DCC: variants seen among roughly 807,000 people sequenced by gnomAD.
DCC encodes the protein DCC netrin 1 receptor.
A neutral mutation model predicts 172.5 loss-of-function variants in DCC; 58 were observed. The ratio of observed to expected loss-of-function variants is 0.34; its 90% CI spans 0.27 to 0.42. The LOEUF is 0.42. Among genes scored for constraint, DCC ranks in the 10% least tolerant of loss-of-function variants. DCC has a pLI of 1.00. For missense variants in DCC, 1,740 were observed against 1,791.0 expected (o/e 0.97, Z 0.51); for synonymous variants, 709 against 644.5 (o/e 1.10, Z -1.52).
At chr18:52,453,069 G>A (rs1421838731) in intron 1 of DCC, among the ~76,000 whole-genome samples, 3 of 152,184 alleles carry the variant, frequency 2.0e-5, no homozygotes, top group Non-Finnish European at 4.4e-5. Context: ...ATAGGCACAG[G>A]CCACCCTCTC....
intron 21 of DCC, among the ~76,000 whole-genome samples, chr18:53,432,231 A>T (rs1344719818): frequency 6.6e-6 from 1 of 152,140 alleles, no homozygotes; most frequent in Non-Finnish European, 1.5e-5. Context: ...ATGTCAGAAA[A>T]TATTAAGAAC....
intron 2 of DCC, among the ~76,000 whole-genome samples, chr18:52,895,556 T>A (rs547982647): frequency 6.6e-6 from 1 of 152,174 alleles, no homozygotes; most frequent in Non-Finnish European, 1.5e-5. Flanking sequence ...TAGAAAAAAA[T>A]GAGCAATATA....
At chr18:53,474,567 G>A (rs1354756883) in intron 25 of DCC, among the ~76,000 whole-genome samples, 1 of 152,110 alleles carries the variant, frequency 6.6e-6, no homozygotes, top group Non-Finnish European at 1.5e-5. Flanking sequence ...TTTTAAAAAT[G>A]GGAGTCTCCC....
chr18:53,053,958 A>G (rs1181150489), intron 5 of DCC, among the ~76,000 whole-genome samples: 1 of 152,106 alleles, frequency 6.6e-6, no homozygotes, highest in Non-Finnish European at 1.5e-5. Flanking sequence ...ATTCTGTGTG[A>G]TCATATATTT....
chr18:52,434,890 A>G (rs1485075551), intron 1 of DCC, among the ~76,000 whole-genome samples: 1 of 152,144 alleles, frequency 6.6e-6, no homozygotes, highest in Non-Finnish European at 1.5e-5. Flanking sequence ...ACCACAGCAT[A>G]TATTCCTCAT....
At chr18:53,095,792 C>CTTTTTTTT (rs71175552) in intron 7 of DCC, among the ~76,000 whole-genome samples, 6 of 126,230 alleles carry the variant, frequency 4.8e-5, no homozygotes, top group South Asian at 2.7e-4. Flanking sequence ...ATATGGATAT[C>CTTTTTTTT]TTTTTTTTTT....
intron 10 of DCC, among the ~76,000 whole-genome samples, chr18:53,206,653 T>G (rs910168388): frequency 2.1e-5 from 3 of 145,436 alleles, no homozygotes; most frequent in Non-Finnish European, 4.5e-5. Flanking sequence ...ATATAATATA[T>G]GTATACATAT....
At chr18:52,609,584 G>T (rs910857852) in intron 1 of DCC, among the ~76,000 whole-genome samples, 1 of 151,964 alleles carries the variant, frequency 6.6e-6, no homozygotes, top group East Asian at 1.9e-4. Flanking sequence ...TTTTACTGAT[G>T]ATATATTCTA....
At chr18:52,440,726 A>G (rs558692283) in intron 1 of DCC, among the ~76,000 whole-genome samples, 1 of 152,346 alleles carries the variant, frequency 6.6e-6, no homozygotes, top group South Asian at 2.1e-4. Context: ...CTGAGCCTTA[A>G]GCACCATTGC....
intron 12 of DCC, among the ~76,000 whole-genome samples, chr18:53,256,045 C>A (rs891161528): frequency 1.3e-5 from 2 of 152,164 alleles, no homozygotes; most frequent in African/African-American, 4.8e-5. Flanking sequence ...CCTTCACCCA[C>A]TTTTTGATGG....
chr18:52,807,541 G>C (rs1391551040), intron 2 of DCC, among the ~76,000 whole-genome samples: 1 of 151,194 alleles, frequency 6.6e-6, no homozygotes, highest in Non-Finnish European at 1.5e-5. Context: ...TATTAGTTTA[G>C]TAATGAATAG....
chr18:53,229,735 A>C (rs2056093067), intron 12 of DCC, among the ~76,000 whole-genome samples: 1 of 152,078 alleles, frequency 6.6e-6, no homozygotes, highest in Non-Finnish European at 1.5e-5. Context: ...ATCTCTCTCA[A>C]TTCCCTCTGT....
intron 5 of DCC, among the ~76,000 whole-genome samples, chr18:52,991,389 C>T (rs1393408381): frequency 6.6e-6 from 1 of 152,148 alleles, no homozygotes; most frequent in African/African-American, 2.4e-5. Context: ...GATATTACCA[C>T]ACACTTATTG....
chr18:53,431,471 TTTGTTGTTG>T (rs750287450), intron 21 of DCC, among the ~76,000 whole-genome samples: 1 of 129,634 alleles, frequency 7.7e-6, no homozygotes, highest in Admixed American at 7.4e-5. Context: ...CACTTTGTTT[TTTGTTGTTG>T]TTGTTGTTGT....
chr18:53,241,377 A>G (rs2056291190), intron 12 of DCC, among the ~76,000 whole-genome samples: 1 of 152,072 alleles, frequency 6.6e-6, no homozygotes, highest in Non-Finnish European at 1.5e-5. Flanking sequence ...GAACACACCC[A>G]TTCTCCCCAG....
intron 8 of DCC, among the ~76,000 whole-genome samples, chr18:53,163,842 T>A: frequency 6.6e-6 from 1 of 152,162 alleles, no homozygotes; most frequent in East Asian, 1.9e-4. Flanking sequence ...CAGAGACCAA[T>A]GATCAGAGGA....
chr18:53,158,283 A>C (rs2054779146), intron 8 of DCC, among the ~76,000 whole-genome samples: 1 of 152,260 alleles, frequency 6.6e-6, no homozygotes, highest in African/African-American at 2.4e-5. Context: ...ACTAAGCAAA[A>C]GTGAGCTGTA....
intron 1 of DCC, among the ~76,000 whole-genome samples, chr18:52,710,096 T>C (rs2036270989): frequency 6.6e-6 from 1 of 152,222 alleles, no homozygotes; most frequent in South Asian, 2.1e-4. Flanking sequence ...AGTGTTTCTC[T>C]AAGGACATCA....
chr18:53,141,584 G>A (rs761775537), intron 7 of DCC, among the ~76,000 whole-genome samples: 6 of 152,146 alleles, frequency 3.9e-5, no homozygotes, highest in South Asian at 2.1e-4. Flanking sequence ...CATGAGGAGC[G>A]AACTATGATG....
Sources: gnomAD v4.1 joint callset for allele counts (sites outside exome capture counted in the v4.1 genomes callset) on GRCh38, gnomAD v4.1.1 for gene constraint, MANE v1.5 for transcripts, NCBI Gene and HGNC (gene_info 2026-07-23, HGNC 2026-07-21) for gene names.